Variants in TMEM38B observed in about 807,000 individuals in gnomAD.
The protein encoded by TMEM38B is trimeric intracellular cation channel type B.
Under a neutral mutation model 28.7 loss-of-function variants are expected in TMEM38B, and 24 were observed. The ratio of observed to expected loss-of-function variants is 0.84; its 90% CI spans 0.61 to 1.18. The LOEUF (loss-of-function observed/expected upper bound fraction) is 1.18, where lower values mean the gene tolerates loss of function less well. Among genes scored for constraint, TMEM38B ranks in the 50% most tolerant of loss-of-function variants. The pLI is 0.00. For synonymous variants in TMEM38B, 131 were observed against 127.7 expected (o/e 1.03, Z -0.17); for missense variants, 380 against 350.9 (o/e 1.08, Z -0.66).
chr9:105,762,246 A>C (rs1564416482), intron 5 of TMEM38B, among the ~76,000 whole-genome samples: 15 of 150,620 alleles, frequency 1.0e-4, no homozygotes. Context: ...ACTGGCTATA[A>C]ATTTTTTTTT....
intron 4 of TMEM38B, among the ~76,000 whole-genome samples, chr9:105,724,510 C>T (rs775881091): frequency 1.1e-4 from 17 of 151,848 alleles, no homozygotes; most frequent in Non-Finnish European, 2.1e-4. Context: ...ATAATCCCAG[C>T]TACTCAGGAG....
At chr9:105,698,650 T>C (rs536022786) in intron 1 of TMEM38B, among the ~76,000 whole-genome samples, 1 of 152,286 alleles carries the variant, frequency 6.6e-6, no homozygotes, top group South Asian at 2.1e-4. Flanking sequence ...GTAAAATTTT[T>C]GCATTTATGT....
At chr9:105,761,477 C>T (rs1564416026) in intron 5 of TMEM38B, among the ~76,000 whole-genome samples, 1 of 152,154 alleles carries the variant, frequency 6.6e-6, no homozygotes, top group Non-Finnish European at 1.5e-5. Context: ...TTAGCAACTG[C>T]TATGTGCCTT....
chr9:105,720,742 A>G (rs967227002), intron 2 of TMEM38B, among the ~76,000 whole-genome samples: 6 of 152,164 alleles, frequency 3.9e-5, no homozygotes, highest in African/African-American at 1.4e-4. Context: ...TAGAAAGAAG[A>G]TATGTTCTAC....
intron 4 of TMEM38B, among the ~76,000 whole-genome samples, chr9:105,731,864 T>A (rs764808539): frequency 1.5e-4 from 23 of 152,180 alleles, no homozygotes; most frequent in South Asian, 6.2e-4. Flanking sequence ...TAGTTCTAGA[T>A]CCCTGAGGAA....
At chr9:105,754,810 C>G (rs1038715057) in intron 5 of TMEM38B, among the ~76,000 whole-genome samples, 1 of 152,042 alleles carries the variant, frequency 6.6e-6, no homozygotes, top group Non-Finnish European at 1.5e-5. Flanking sequence ...ACAAAAAGCC[C>G]TTCAAAAAAA....
chr9:105,741,422 A>T (rs1220564643), intron 4 of TMEM38B, among the ~76,000 whole-genome samples: 3 of 152,200 alleles, frequency 2.0e-5, no homozygotes, highest in Admixed American at 1.3e-4. Context: ...GGAAGTGAGG[A>T]GCATATTAGA....
intron 5 of TMEM38B, chr9:105,759,556 A>G (rs1459023423): frequency 7.1e-6 from 11 of 1,557,814 alleles, no homozygotes; most frequent in South Asian, 1.1e-5. Context: ...TCTGTCCTCT[A>G]ATAGCAAACC....
chr9:105,767,962 A>G (rs1051034308), intron 5 of TMEM38B, among the ~76,000 whole-genome samples: 9 of 152,132 alleles, frequency 5.9e-5, no homozygotes, highest in African/African-American at 9.7e-5. Context: ...GTCCTGTACA[A>G]TGTTGAAGAG....
At chr9:105,735,128 A>C (rs1226996059) in intron 4 of TMEM38B, among the ~76,000 whole-genome samples, 5 of 152,324 alleles carry the variant, frequency 3.3e-5, no homozygotes, top group African/African-American at 1.2e-4. Flanking sequence ...ACAGACTATT[A>C]GACTATTTCA....
At chr9:105,735,595 C>G (rs780647239) in intron 4 of TMEM38B, among the ~76,000 whole-genome samples, 3 of 152,168 alleles carry the variant, frequency 2.0e-5, no homozygotes, top group Non-Finnish European at 2.9e-5. Context: ...TTTCAGCTGT[C>G]TAAATGTATC....
At chr9:105,727,169 C>T (rs776070953) in intron 4 of TMEM38B, among the ~76,000 whole-genome samples, 50 of 152,224 alleles carry the variant, frequency 3.3e-4, no homozygotes, top group Non-Finnish European at 6.0e-4. Flanking sequence ...TAGACTTGTT[C>T]ATCCTACATG....
intron 2 of TMEM38B, chr9:105,710,618 G>T: frequency 1.3e-6 from 1 of 763,156 alleles, no homozygotes; most frequent in South Asian, 1.3e-5. Context: ...TTGAACAGAA[G>T]CAAATCCTCT....
At chr9:105,707,453 G>A (rs1835715038) in intron 2 of TMEM38B, among the ~76,000 whole-genome samples, 1 of 151,980 alleles carries the variant, frequency 6.6e-6, no homozygotes, top group Admixed American at 6.6e-5. Flanking sequence ...ACTGTTTTCT[G>A]TTAAGAACCA....
chr9:105,761,988 C>A (rs1454205184), intron 5 of TMEM38B, among the ~76,000 whole-genome samples: 1 of 152,038 alleles, frequency 6.6e-6, no homozygotes, highest in Admixed American at 6.5e-5. Context: ...TCTGCTTGAT[C>A]GACTTGGTAC....
At chr9:105,720,713 T>G (rs1836284648) in intron 2 of TMEM38B, among the ~76,000 whole-genome samples, 1 of 152,154 alleles carries the variant, frequency 6.6e-6, no homozygotes, top group Non-Finnish European at 1.5e-5. Flanking sequence ...TTTCATGCCA[T>G]GTCTTTTATT....
chr9:105,775,273 ATGATATAAAATCTGGTT>A lies in TMEM38B; in HGVS notation c.*1194_*1210del, dbSNP rs1671039707. ...TGGCAGTCCATTTAGATGAAGAATG[ATGATATAAAATCTGGTT>A]CCTTCTTAGCAAAATAAAAAACAAA... On this transcript the variant is annotated 3_prime_UTR_variant, in exon 6 of 6. Transcript: ENST00000374692. The A allele has an allele frequency of 1.3e-5, 2 of 152,178 alleles. No individual in the cohort carries two copies. The highest frequency in any genetic ancestry group is 4.1e-4 in the South Asian group (2 of 4,836). The allele number at this position is 152,178 out of a possible 1,614,324, so 9.4% of individuals were successfully genotyped here.
intron 3 of TMEM38B, among the ~76,000 whole-genome samples, 162 bp from the exon 4 acceptor site, chr9:105,722,372 T>C (rs1244037279): frequency 6.6e-6 from 1 of 152,246 alleles, no homozygotes; most frequent in Non-Finnish European, 1.5e-5. Context: ...GCAGTTGTTT[T>C]AGTACCCTAA....
intron 4 of TMEM38B, among the ~76,000 whole-genome samples, chr9:105,733,263 G>C (rs1836833819): frequency 6.6e-6 from 1 of 151,864 alleles, no homozygotes; most frequent in Admixed American, 6.6e-5. Flanking sequence ...CTCAGCTCTG[G>C]GCCTCATGTA....
Sources: gnomAD v4.1 joint callset for allele counts (sites outside exome capture counted in the v4.1 genomes callset) on GRCh38, gnomAD v4.1.1 for gene constraint, MANE v1.5 for transcripts, NCBI Gene and HGNC (gene_info 2026-07-23, HGNC 2026-07-21) for gene names.